The following DLG2 variants were observed in gnomAD, a reference collection of about 807,000 sequenced individuals.
DLG2 encodes disks large homolog 2.
In DLG2, 45 loss-of-function variants were observed where a neutral mutation model predicts 132.5. The observed-to-expected ratio is 0.34, with a 90% CI of 0.27 to 0.44. DLG2 has a LOEUF of 0.44. DLG2 is among the 20% of genes least tolerant of loss of function. The pLI, the probability that DLG2 is intolerant of heterozygous loss-of-function variation, is 1.00. For synonymous variants in DLG2, 424 were observed against 419.6 expected (o/e 1.01, Z -0.13); for missense variants, 1,045 against 1,196.9 (o/e 0.87, Z 1.87).
intron 6 of DLG2, among the ~76,000 whole-genome samples, chr11:84,974,284 C>A (rs1001189001): frequency 1.3e-5 from 2 of 152,174 alleles, no homozygotes; most frequent in Non-Finnish European, 2.9e-5. Flanking sequence ...GAAATTGCTT[C>A]TTTGCCATCA....
At chr11:83,786,387 A>G (rs1566957867) in intron 18 of DLG2, 4 of 296,156 alleles carry the variant, frequency 1.4e-5, no homozygotes, top group Admixed American at 4.2e-5. Context: ...TTTTTACAGT[A>G]TCCATTGGTG....
At chr11:84,697,812 A>C (rs1013410405) in intron 6 of DLG2, among the ~76,000 whole-genome samples, 3 of 151,502 alleles carry the variant, frequency 2.0e-5, no homozygotes, top group Non-Finnish European at 4.4e-5. Flanking sequence ...AAGTATTTTC[A>C]TGATAATAAG....
intron 6 of DLG2, among the ~76,000 whole-genome samples, chr11:85,082,893 A>G (rs970436096): frequency 6.6e-6 from 1 of 151,962 alleles, no homozygotes; most frequent in Non-Finnish European, 1.5e-5. Flanking sequence ...AAACAATACA[A>G]TTACTGAGCC....
intron 14 of DLG2, among the ~76,000 whole-genome samples, chr11:83,956,843 A>T (rs1211940414): frequency 6.6e-6 from 1 of 152,216 alleles, no homozygotes; most frequent in African/African-American, 2.4e-5. Flanking sequence ...AGCCATTATT[A>T]AGGGACAGTT....
At chr11:83,600,241 G>GTA (rs1293994809) in intron 19 of DLG2, among the ~76,000 whole-genome samples, 1 of 148,582 alleles carries the variant, frequency 6.7e-6, no homozygotes, top group Non-Finnish European at 1.5e-5. Flanking sequence ...TATAGGGTGT[G>GTA]TGTGTGTGTG....
chr11:84,503,092 T>G (rs1020264384), intron 7 of DLG2, among the ~76,000 whole-genome samples: 1 of 152,208 alleles, frequency 6.6e-6, no homozygotes, highest in Non-Finnish European at 1.5e-5. Context: ...ATTTGAAGGA[T>G]AGCAGTAAAT....
intron 18 of DLG2, among the ~76,000 whole-genome samples, chr11:83,739,717 CAT>C (rs1331570655): frequency 6.6e-6 from 1 of 152,094 alleles, no homozygotes; most frequent in Non-Finnish European, 1.5e-5. Context: ...AAAAATCTTA[CAT>C]GTTATTTAGA....
At chr11:83,603,534 G>A (rs931716310) in intron 19 of DLG2, among the ~76,000 whole-genome samples, 2 of 152,006 alleles carry the variant, frequency 1.3e-5, no homozygotes, top group Admixed American at 6.6e-5. Flanking sequence ...GAAAGGAGTC[G>A]CTGAGTAATA....
intron 6 of DLG2, among the ~76,000 whole-genome samples, chr11:84,614,315 G>A (rs1593813470): frequency 2.0e-5 from 3 of 152,230 alleles, no homozygotes; most frequent in Admixed American, 2.0e-4. Context: ...TTATGAAAGA[G>A]GTAACGTCTG....
chr11:84,031,012 C>T (rs1350569779), intron 11 of DLG2, among the ~76,000 whole-genome samples: 1 of 152,074 alleles, frequency 6.6e-6, no homozygotes, highest in Admixed American at 6.6e-5. Flanking sequence ...ATAGTTTTGT[C>T]AGCAGGAGGA....
At chr11:83,760,106 C>T (rs1297606916) in intron 18 of DLG2, among the ~76,000 whole-genome samples, 3 of 152,194 alleles carry the variant, frequency 2.0e-5, no homozygotes, top group African/African-American at 7.2e-5. Flanking sequence ...AATAAACAAA[C>T]TCAACATCCA....
chr11:83,959,287 A>T (rs964322948), intron 14 of DLG2, among the ~76,000 whole-genome samples: 1 of 152,120 alleles, frequency 6.6e-6, no homozygotes, highest in Non-Finnish European at 1.5e-5. Flanking sequence ...CTTACCGTAC[A>T]TCCATAACAA....
chr11:83,895,145 C>CTTTTTTTTTTTTTTTTTT (rs11287512), intron 15 of DLG2, among the ~76,000 whole-genome samples: 2 of 87,902 alleles, frequency 2.3e-5, no homozygotes, highest in African/African-American at 1.0e-4. Context: ...GAACTACTGT[C>CTTTTTTTTTTTTTTTTTT]TTTTTTTTTT....
chr11:84,404,547 C>T (rs2098841932), intron 7 of DLG2, among the ~76,000 whole-genome samples: 1 of 152,092 alleles, frequency 6.6e-6, no homozygotes, highest in African/African-American at 2.4e-5. Context: ...AGTGCCTACA[C>T]CTATAGTAGC....
chr11:83,476,736 A>C (rs1469326293), intron 22 of DLG2, among the ~76,000 whole-genome samples: 1 of 152,104 alleles, frequency 6.6e-6, no homozygotes, highest in African/African-American at 2.4e-5. Context: ...CAGAATTAAG[A>C]GGTCTTGGTT....
At chr11:84,478,551 T>C (rs542150141) in intron 7 of DLG2, among the ~76,000 whole-genome samples, 1 of 152,178 alleles carries the variant, frequency 6.6e-6, no homozygotes, top group East Asian at 1.9e-4. Flanking sequence ...TGAACATCCT[T>C]ATGCATAAAT....
chr11:85,133,416 G>C (rs1167640667), intron 5 of DLG2, among the ~76,000 whole-genome samples: 1 of 152,094 alleles, frequency 6.6e-6, no homozygotes, highest in East Asian at 1.9e-4. Context: ...GAAAAGCTAA[G>C]GTGCATGTGG....
At chr11:85,043,737 ACTTT>A (rs1222298099) in intron 6 of DLG2, among the ~76,000 whole-genome samples, 2 of 151,920 alleles carry the variant, frequency 1.3e-5, no homozygotes, top group Non-Finnish European at 2.9e-5. Flanking sequence ...TTAAAATCTA[ACTTT>A]CTATTAGCTC....
intron 15 of DLG2, among the ~76,000 whole-genome samples, chr11:83,878,837 T>A (rs1163334128): frequency 1.3e-5 from 2 of 152,144 alleles, no homozygotes; most frequent in Non-Finnish European, 2.9e-5. Flanking sequence ...AATTCCCTAG[T>A]TAGGTAGCTT....
Sources: gnomAD v4.1 joint callset for allele counts (sites outside exome capture counted in the v4.1 genomes callset) on GRCh38, gnomAD v4.1.1 for gene constraint, MANE v1.5 for transcripts, NCBI Gene and HGNC (gene_info 2026-07-23, HGNC 2026-07-21) for gene names.